IGSF21: variants seen among roughly 807,000 people sequenced by gnomAD.
IGSF21 encodes the protein immunoglobulin superfamily member 21.
IGSF21 carries 28 observed loss-of-function variants against 46.8 expected under a neutral mutation model. The ratio of observed to expected loss-of-function variants is 0.60; its 90% confidence interval spans 0.44 to 0.82. The LOEUF (loss-of-function observed/expected upper bound fraction) is 0.82. Ranked by LOEUF, IGSF21 falls within the 40% of genes least tolerant of loss-of-function variation. IGSF21 has a pLI of 0.00. For missense variants in IGSF21, 624 were observed against 665.5 expected, an observed-to-expected ratio of 0.94 and a Z score of 0.69; for synonymous variants, 284 against 273.6, an observed-to-expected ratio of 1.04 and a Z score of -0.38.
At chr1:18,220,957 T>C (rs557717489) in intron 1 of IGSF21, among the ~76,000 whole-genome samples, 1 of 152,006 alleles carries the variant, frequency 6.6e-6, no homozygotes, top group South Asian at 2.1e-4. Context: ...TATGGAGCAA[T>C]GGGAAGCTCC....
chr1:18,234,146 A>G (rs2084652690), intron 2 of IGSF21, among the ~76,000 whole-genome samples: 1 of 151,896 alleles, frequency 6.6e-6, no homozygotes, highest in Non-Finnish European at 1.5e-5. Context: ...GCTCTTTGCT[A>G]CTCCTCTGAC....
rs200202176 is a variant in IGSF21 at position 18,365,255 on chromosome 1, C to T, written c.573C>T (p.Asp191=). The change falls in exon 6 of 10, where the codon GAC becomes GAT. Residue 191 remains aspartate (D), a synonymous_variant. Coordinates refer to ENST00000251296, the MANE Select transcript of IGSF21 (RefSeq NM_032880.5). This position sits in a 1 kb window ranked among gnomAD's most constrained non-coding sequence, Gnocchi z 4.8. ...TCAAACGAGATGGGGAACCAATCGA[C>T]GCAGTGCCCCTATCAGAGCCACCAG... ...VYFKRDGEPI[D]AVPLSEPPAA... is the part of the protein sequence containing the mutation. 2.9e-5 allele frequency: 46 copies of T among 1,610,892 alleles called. No homozygotes were observed. The highest frequency in any genetic ancestry group is 2.7e-4 in the African/African-American group (20 of 74,946).
intron 2 of IGSF21, among the ~76,000 whole-genome samples, 160 bp downstream of exon 2, chr1:18,228,170 C>T (rs1300914964): frequency 3.9e-5 from 6 of 152,158 alleles, no homozygotes; most frequent in Non-Finnish European, 8.8e-5. Flanking sequence ...TGCTGACACC[C>T]TCCTTGGGTA....
intron 3 of IGSF21, among the ~76,000 whole-genome samples, chr1:18,332,454 A>C (rs1390089730): frequency 6.6e-6 from 1 of 151,702 alleles, no homozygotes; most frequent in Non-Finnish European, 1.5e-5. Context: ...ACTGTTTGTA[A>C]GCCATGGGGT....
chr1:18,144,945 G>A (rs2086451846), intron 1 of IGSF21, among the ~76,000 whole-genome samples: 1 of 152,172 alleles, frequency 6.6e-6, no homozygotes, highest in Non-Finnish European at 1.5e-5. Flanking sequence ...ATTATGATGG[G>A]TGAGTCCCGG....
intron 2 of IGSF21, among the ~76,000 whole-genome samples, chr1:18,278,594 C>A (rs546668199): frequency 6.6e-6 from 1 of 151,042 alleles, no homozygotes; most frequent in East Asian, 2.0e-4. Context: ...TGTCCTGTCA[C>A]CCAGGCTGGA....
chr1:18,259,979 C>G (rs1303107808), intron 2 of IGSF21, among the ~76,000 whole-genome samples: 1 of 152,238 alleles, frequency 6.6e-6, no homozygotes, highest in Non-Finnish European at 1.5e-5. Flanking sequence ...TGGCATTTGT[C>G]ATGTCCCTTC....
rs114318416 is a variant in IGSF21 at position 18,346,880 on chromosome 1, T to C, written c.424+11870T>C. 1.5e-3 allele frequency among the ~76,000 whole-genome samples: 233 copies of C among 152,090 alleles called. 1 individual carries two copies. Among genetic ancestry groups the C allele is most frequent in the African/African-American group, 5.2e-3 (214 of 41,504 alleles). On this transcript the variant is annotated intron_variant, in intron 4 of 9. Coordinates refer to ENST00000251296, the MANE Select transcript of IGSF21 (RefSeq NM_032880.5). Reference sequence around the variant, plus strand: ...AGTGGTCAGGGGCCCCTGAGCTGGATGTGAGCATGTTCAGAGACGGGACAC... The same window carrying C: ...AGTGGTCAGGGGCCCCTGAGCTGGACGTGAGCATGTTCAGAGACGGGACAC...
At chr1:18,197,370 G>A (rs202187219) in intron 1 of IGSF21, among the ~76,000 whole-genome samples, 19 of 152,292 alleles carry the variant, frequency 1.2e-4, no homozygotes, top group Non-Finnish European at 2.1e-4. Flanking sequence ...GGCTGACCTC[G>A]GATTCTAGGT....
At chr1:18,353,687 G>T (rs1313034827) in intron 4 of IGSF21, among the ~76,000 whole-genome samples, 1 of 152,214 alleles carries the variant, frequency 6.6e-6, no homozygotes, top group Non-Finnish European at 1.5e-5. Context: ...AGGCTAAAAA[G>T]CTGAGTGAAA....
chr1:18,330,024 C>G (rs138188441), intron 3 of IGSF21, among the ~76,000 whole-genome samples: 5 of 152,308 alleles, frequency 3.3e-5, no homozygotes, highest in African/African-American at 1.2e-4. Flanking sequence ...CTCCAGAAAC[C>G]TTTGCAGTTA....
chr1:18,123,928 C>G (rs900155739), intron 1 of IGSF21, among the ~76,000 whole-genome samples: 10 of 152,172 alleles, frequency 6.6e-5, no homozygotes, highest in Non-Finnish European at 1.3e-4. Context: ...TTCACGGAGG[C>G]CTGGACTCTG....
chr1:18,328,896 G>A (rs4920312), intron 3 of IGSF21, among the ~76,000 whole-genome samples: 48,932 of 152,050 alleles, frequency 0.32, 9,500 homozygotes, highest in Non-Finnish European at 0.42. Context: ...CGTGTGGGGC[G>A]TGGAGAATGT....
In IGSF21 at chr1:18,292,800, C is replaced by T. The variant is rs186121191; in HGVS notation, c.305+813C>T. Among the ~76,000 whole-genome samples the T allele has an allele frequency of 5.4e-4, 83 of 152,312 alleles. 2 individuals carry two copies. The East Asian group carries it at 0.015, about 27-fold the overall frequency. On this transcript the variant is annotated intron_variant, in intron 3 of 9. Transcript: ENST00000251296. The stretch of plus-strand genomic sequence containing the variant: ...CCCTCACCTTAGCTGAACTGATCCC[C>T]CAAAGCTGGTCGGCTGCAACTGCCC...
At chr1:18,295,730 A>G (rs1212037066) in intron 3 of IGSF21, among the ~76,000 whole-genome samples, 5 of 152,190 alleles carry the variant, frequency 3.3e-5, no homozygotes, top group Non-Finnish European at 7.3e-5. Context: ...GTGCTTCCAC[A>G]GGGCTTTCTC....
intron 1 of IGSF21, chr1:18,112,308 A>AAACG (rs2086151961): frequency 3.3e-5 from 5 of 152,322 alleles, no homozygotes; most frequent in South Asian, 2.1e-4. Flanking sequence ...AGCATTGGGA[A>AAACG]AACGGCCCTG....
chr1:18,169,768 G>A (rs1028549549), intron 1 of IGSF21, among the ~76,000 whole-genome samples: 6 of 152,124 alleles, frequency 3.9e-5, no homozygotes, highest in South Asian at 2.1e-4. Context: ...CTGGGGGTGC[G>A]GGGAAGGACT....
intron 1 of IGSF21, among the ~76,000 whole-genome samples, chr1:18,134,073 A>G (rs1393293736): frequency 6.6e-6 from 1 of 152,168 alleles, no homozygotes; most frequent in African/African-American, 2.4e-5. Context: ...GTAGCTACAA[A>G]CTAGAGGAAG....
At chr1:18,339,410 T>G (rs1557650961) in intron 4 of IGSF21, among the ~76,000 whole-genome samples, 1 of 147,584 alleles carries the variant, frequency 6.8e-6, no homozygotes, top group East Asian at 1.9e-4. Flanking sequence ...GGGACTTCCT[T>G]GAGACCGAGC....
Sources: gnomAD v4.1 joint callset for allele counts (sites outside exome capture counted in the v4.1 genomes callset) on GRCh38, gnomAD v4.1.1 for gene constraint, Gnocchi (gnomAD v3.1) non-coding constraint, MANE v1.5 for transcripts, NCBI Gene and HGNC (gene_info 2026-07-23, HGNC 2026-07-21) for gene names.